Variants in SPMIP2 observed in about 807,000 individuals in gnomAD.
SPMIP2 encodes the protein sperm microtubule inner protein 2, also known as protein SPMIP2.
chr4:158,919,159 T>C, the SPMIP2 span, among the ~76,000 whole-genome samples: 1 of 152,146 alleles, frequency 6.6e-6, no homozygotes. Flanking sequence ...AGTGTGTAAT[T>C]CCCACAAACA....
chr4:158,959,915 T>C, the SPMIP2 span, among the ~76,000 whole-genome samples: 2 of 152,168 alleles, frequency 1.3e-5, no homozygotes, highest in African/African-American at 4.8e-5. Context: ...CAGCATGAAA[T>C]GAGTTTTTTA....
the SPMIP2 span, chr4:158,915,038 C>G: frequency 1.3e-6 from 1 of 756,740 alleles, no homozygotes; most frequent in Non-Finnish European, 2.1e-6. Flanking sequence ...GTATAAATTA[C>G]AAAATGCTTC....
the SPMIP2 span, among the ~76,000 whole-genome samples, chr4:159,023,536 C>T: frequency 1.3e-5 from 2 of 152,170 alleles, no homozygotes; most frequent in Non-Finnish European, 1.5e-5. Flanking sequence ...ACCAGACAAA[C>T]TCCCATCCAA....
chr4:158,895,455 A>T, the SPMIP2 span, among the ~76,000 whole-genome samples: 1 of 152,234 alleles, frequency 6.6e-6, no homozygotes, highest in Non-Finnish European at 1.5e-5. Context: ...AGTTTTTTAA[A>T]GGCAAGAAAC....
chr4:158,980,778 T>A, the SPMIP2 span, among the ~76,000 whole-genome samples: 3 of 152,144 alleles, frequency 2.0e-5, no homozygotes, highest in South Asian at 6.2e-4. Flanking sequence ...GACTGAAAAT[T>A]CCAAAAACCA....
chr4:158,948,382 GT>G, the SPMIP2 span, among the ~76,000 whole-genome samples: 1 of 152,162 alleles, frequency 6.6e-6, no homozygotes, highest in East Asian at 1.9e-4. Context: ...TTGCTCATTG[GT>G]TGGGTATAAA....
chr4:159,065,855 A>G, the SPMIP2 span, among the ~76,000 whole-genome samples: 1 of 152,188 alleles, frequency 6.6e-6, no homozygotes, highest in Admixed American at 6.5e-5. Flanking sequence ...TGTCAGACCT[A>G]TTATCCCCAT....
At chr4:159,000,413 T>C in the SPMIP2 span, among the ~76,000 whole-genome samples, 1 of 152,094 alleles carries the variant, frequency 6.6e-6, no homozygotes, top group Non-Finnish European at 1.5e-5. Context: ...TACTATAGAT[T>C]AGTTTGCGGT....
the SPMIP2 span, among the ~76,000 whole-genome samples, chr4:158,986,891 G>C: frequency 4.9e-4 from 69 of 141,150 alleles, no homozygotes; most frequent in Non-Finnish European, 3.4e-4. Flanking sequence ...ATCTGACAAA[G>C]GGCTAATATC....
At chr4:159,012,395 C>G in the SPMIP2 span, among the ~76,000 whole-genome samples, 2 of 152,076 alleles carry the variant, frequency 1.3e-5, no homozygotes, top group Non-Finnish European at 2.9e-5. Flanking sequence ...ATCGAAAATA[C>G]CATAATTCAA....
chr4:159,079,408 C>T, the SPMIP2 span, among the ~76,000 whole-genome samples: 6 of 152,164 alleles, frequency 3.9e-5, no homozygotes, highest in Non-Finnish European at 8.8e-5. Context: ...CACCAGACAC[C>T]GAATCTGCTG....
chr4:158,906,550 A>G, the SPMIP2 span: 9 of 152,236 alleles, frequency 5.9e-5, no homozygotes, highest in South Asian at 8.3e-4. Context: ...AGGCCCCTCA[A>G]AGCCTGAGAA....
the SPMIP2 span, among the ~76,000 whole-genome samples, chr4:159,079,540 T>C: frequency 1.3e-5 from 2 of 152,216 alleles, no homozygotes; most frequent in Admixed American, 6.5e-5. Flanking sequence ...AAGACAAATA[T>C]ACTGATTTCT....
chr4:158,932,187 C>T, the SPMIP2 span, among the ~76,000 whole-genome samples: 1 of 152,078 alleles, frequency 6.6e-6, no homozygotes, highest in African/African-American at 2.4e-5. Flanking sequence ...TTAAGGAAGA[C>T]AATTAAAATT....
At chr4:158,984,465 A>C in the SPMIP2 span, among the ~76,000 whole-genome samples, 3 of 151,426 alleles carry the variant, frequency 2.0e-5, no homozygotes, top group East Asian at 3.9e-4. Context: ...ACTAGAACTC[A>C]GGATTAAGAA....
chr4:158,973,130 T>C, the SPMIP2 span: 1 of 1,611,060 alleles, frequency 6.2e-7, no homozygotes. Context: ...AATTATACTG[T>C]GGTATTCTCC....
At chr4:159,053,384 C>T in the SPMIP2 span, among the ~76,000 whole-genome samples, 5 of 152,126 alleles carry the variant, frequency 3.3e-5, no homozygotes, top group African/African-American at 9.7e-5. Context: ...CAAGCATACA[C>T]GGATGGGTAA....
the SPMIP2 span, among the ~76,000 whole-genome samples, chr4:158,928,353 C>G: frequency 2.7e-5 from 4 of 149,720 alleles, no homozygotes; most frequent in African/African-American, 9.9e-5. Flanking sequence ...AATCGGCACT[C>G]TGTATCTAGC....
the SPMIP2 span, among the ~76,000 whole-genome samples, chr4:158,912,896 G>A: frequency 6.6e-6 from 1 of 152,166 alleles, no homozygotes; most frequent in Non-Finnish European, 1.5e-5. Flanking sequence ...CTACTCTCAG[G>A]AATAATGGGT....
Sources: gnomAD v4.1 joint callset for allele counts (sites outside exome capture counted in the v4.1 genomes callset) on GRCh38, gnomAD v4.1.1 for gene constraint, MANE v1.5 for transcripts, NCBI Gene and HGNC (gene_info 2026-07-23, HGNC 2026-07-21) for gene names.